Variants in SPRED1 observed in about 807,000 individuals in gnomAD.
The protein encoded by SPRED1 is sprouty-related, EVH1 domain-containing protein 1.
SPRED1 carries 18 observed loss-of-function variants against 52.3 expected under a neutral mutation model. The ratio of observed to expected loss-of-function variants is 0.34; its 90% CI spans 0.24 to 0.51. The LOEUF (loss-of-function observed/expected upper bound fraction) is 0.51. Ranked by LOEUF, SPRED1 falls within the 20% of genes least tolerant of loss-of-function variation. The pLI, the probability that SPRED1 is intolerant of heterozygous loss-of-function variation, is 0.97. For missense variants in SPRED1, 485 were observed against 551.0 expected (o/e 0.88, Z 1.20); for synonymous variants, 155 against 179.7 (o/e 0.86, Z 1.10).
intron 1 of SPRED1, among the ~76,000 whole-genome samples, chr15:38,260,796 A>C (rs1894189963): frequency 6.6e-6 from 1 of 152,234 alleles, no homozygotes; most frequent in Admixed American, 6.5e-5. Context: ...AACATCCATG[A>C]CACAAAAGGC....
intron 3 of SPRED1, among the ~76,000 whole-genome samples, chr15:38,324,072 T>A (rs72711730): frequency 0.091 from 13,802 of 152,182 alleles, 754 homozygotes; most frequent in East Asian, 0.21. Context: ...TACTCGACCT[T>A]CTGTGACAAA....
intron 1 of SPRED1, among the ~76,000 whole-genome samples, chr15:38,295,377 G>T (rs916897416): frequency 6.6e-6 from 1 of 152,180 alleles, no homozygotes; most frequent in Non-Finnish European, 1.5e-5. Flanking sequence ...CAGGCTTGCT[G>T]TACAGCATGT....
At chr15:38,306,541 T>C (rs1895252830) in intron 2 of SPRED1, among the ~76,000 whole-genome samples, 1 of 152,180 alleles carries the variant, frequency 6.6e-6, no homozygotes, top group Non-Finnish European at 1.5e-5. Flanking sequence ...GAAAAGGTAA[T>C]AAATTATGCT....
intron 5 of SPRED1, among the ~76,000 whole-genome samples, chr15:38,348,089 T>A (rs939615449): frequency 6.6e-6 from 1 of 152,022 alleles, no homozygotes; most frequent in Non-Finnish European, 1.5e-5. Context: ...ATTTTTACTC[T>A]TTAGAATAGT....
At chr15:38,346,241 A>T (rs1896132410) in intron 5 of SPRED1, among the ~76,000 whole-genome samples, 1 of 151,836 alleles carries the variant, frequency 6.6e-6, no homozygotes. Context: ...TGCTTGAGCC[A>T]GGGAGGTCCA....
chr15:38,304,679 C>T (rs553630010), intron 2 of SPRED1, among the ~76,000 whole-genome samples: 4 of 152,254 alleles, frequency 2.6e-5, no homozygotes, highest in South Asian at 2.1e-4. Flanking sequence ...TTTGCAGTCT[C>T]GACCTTCTGG....
At chr15:38,293,333 C>T (rs918283086) in intron 1 of SPRED1, among the ~76,000 whole-genome samples, 8 of 151,940 alleles carry the variant, frequency 5.3e-5, no homozygotes, top group Admixed American at 4.6e-4. Context: ...CTCTTGACCT[C>T]GTGATCCACC....
chr15:38,330,117 C>T (rs760347345), intron 4 of SPRED1, among the ~76,000 whole-genome samples: 14 of 152,158 alleles, frequency 9.2e-5, no homozygotes, highest in Non-Finnish European at 1.8e-4. Context: ...AGTAGATCTA[C>T]AGACAGTAAA....
intron 1 of SPRED1, among the ~76,000 whole-genome samples, chr15:38,291,480 C>G (rs1456291288): frequency 6.6e-6 from 1 of 152,274 alleles, no homozygotes; most frequent in East Asian, 1.9e-4. Context: ...TCTGACCCCA[C>G]ATTTCCCTTC....
chr15:38,306,650 G>A (rs1895254467), intron 2 of SPRED1, among the ~76,000 whole-genome samples: 1 of 152,152 alleles, frequency 6.6e-6, no homozygotes, highest in Admixed American at 6.5e-5. Context: ...CCTTGAAGAG[G>A]GGGAAGAAGT....
intron 1 of SPRED1, among the ~76,000 whole-genome samples, chr15:38,279,500 G>T (rs1894640878): frequency 6.6e-6 from 1 of 152,166 alleles, no homozygotes; most frequent in Non-Finnish European, 1.5e-5. Flanking sequence ...ATGTGGTTTT[G>T]TGCCAAACAG....
At chr15:38,330,964 T>C (rs138786610) in intron 4 of SPRED1, among the ~76,000 whole-genome samples, 13 of 152,192 alleles carry the variant, frequency 8.5e-5, no homozygotes, top group Non-Finnish European at 1.3e-4. Flanking sequence ...GCAAAATCTT[T>C]TTTTGTTTTT....
intron 4 of SPRED1, among the ~76,000 whole-genome samples, chr15:38,333,717 G>A (rs531280347): frequency 3.9e-5 from 6 of 152,202 alleles, no homozygotes; most frequent in African/African-American, 1.4e-4. Context: ...TGGAACATAT[G>A]TATATCCTGT....
chr15:38,309,467 A>C (rs996810292), intron 2 of SPRED1, among the ~76,000 whole-genome samples: 3 of 152,038 alleles, frequency 2.0e-5, no homozygotes, highest in Admixed American at 6.6e-5. Flanking sequence ...GTGTTTGGAG[A>C]GTTATTTGTA....
chr15:38,348,554 C>G (rs994934677), intron 5 of SPRED1, among the ~76,000 whole-genome samples: 1 of 151,822 alleles, frequency 6.6e-6, no homozygotes, highest in Non-Finnish European at 1.5e-5. Context: ...ACTTCATGTG[C>G]TTTTATACTA....
At chr15:38,340,777 G>T (rs907598178) in intron 5 of SPRED1, among the ~76,000 whole-genome samples, 1 of 151,896 alleles carries the variant, frequency 6.6e-6, no homozygotes, top group Non-Finnish European at 1.5e-5. Context: ...CTATCCACCC[G>T]CCTCAGCTTC....
chr15:38,343,204 G>T (rs1026233856), intron 5 of SPRED1, among the ~76,000 whole-genome samples: 5 of 152,214 alleles, frequency 3.3e-5, no homozygotes, highest in African/African-American at 1.2e-4. Flanking sequence ...GTTTCAGTGG[G>T]ATTAAGAGGT....
At chr15:38,343,709 A>G (rs3942501) in intron 5 of SPRED1, among the ~76,000 whole-genome samples, 145,795 of 152,172 alleles carry the variant, frequency 0.96, 70,128 homozygotes, top group East Asian at 1. Context: ...ACAAGGCTCC[A>G]GGTAAGTCTC....
intron 1 of SPRED1, among the ~76,000 whole-genome samples, chr15:38,278,143 C>T (rs1894600663): frequency 6.6e-6 from 1 of 152,088 alleles, no homozygotes. Flanking sequence ...AAACAGAAAA[C>T]TCTCAAGACA....
Sources: allele counts gnomAD v4.1 joint callset (sites outside exome capture counted in the v4.1 genomes callset), GRCh38; gene constraint gnomAD v4.1.1; transcripts MANE v1.5; gene names NCBI Gene and HGNC (gene_info 2026-07-23, HGNC 2026-07-21).